The following PPFIA2 variants were observed in gnomAD, a reference collection of about 807,000 sequenced individuals.
PPFIA2 encodes liprin-alpha-2.
In PPFIA2, 46 loss-of-function variants were observed where a neutral mutation model predicts 175.5. The observed-to-expected ratio is 0.26, with a 90% CI of 0.21 to 0.34. The LOEUF is 0.34. PPFIA2 is among the 10% of genes least tolerant of loss of function. The probability of loss-of-function intolerance (pLI) is 1.00; values close to 1 mark genes in which losing one functional copy is unlikely to be tolerated. For synonymous variants in PPFIA2, 568 were observed against 511.4 expected, an observed-to-expected ratio of 1.11 and a Z score of -1.49; for missense variants, 1,179 against 1,506.1, an observed-to-expected ratio of 0.78 and a Z score of 3.60.
At chr12:81,539,405 G>A (rs983423674) in intron 4 of PPFIA2, among the ~76,000 whole-genome samples, 9 of 151,926 alleles carry the variant, frequency 5.9e-5, no homozygotes, top group African/African-American at 2.2e-4. Flanking sequence ...TCCAGTCTTA[G>A]GATGTCTGGA....
At chr12:81,309,652 A>G (rs1481865432) in intron 22 of PPFIA2, among the ~76,000 whole-genome samples, 1 of 152,076 alleles carries the variant, frequency 6.6e-6, no homozygotes, top group African/African-American at 2.4e-5. Flanking sequence ...AAAACATGCT[A>G]GGCTGTTTAG....
intron 22 of PPFIA2, among the ~76,000 whole-genome samples, chr12:81,313,608 G>A (rs2051519051): frequency 6.6e-6 from 1 of 152,020 alleles, no homozygotes; most frequent in African/African-American, 2.4e-5. Context: ...ACACCCCACA[G>A]AAATGAAATT....
intron 4 of PPFIA2, chr12:81,465,265 G>A (rs1044546978): frequency 2.6e-5 from 4 of 152,122 alleles, no homozygotes; most frequent in Admixed American, 6.6e-5. Context: ...GTCCTGCCTT[G>A]AAGAATCGTG....
chr12:81,517,682 A>G (rs1223342260), intron 4 of PPFIA2, among the ~76,000 whole-genome samples: 27 of 152,148 alleles, frequency 1.8e-4, no homozygotes, highest in Admixed American at 1.8e-3. Context: ...CAATTCTTCA[A>G]GGACCATTAA....
chr12:81,635,639 T>C (rs530900021), intron 4 of PPFIA2, among the ~76,000 whole-genome samples: 18 of 152,126 alleles, frequency 1.2e-4, no homozygotes, highest in South Asian at 2.1e-4. Flanking sequence ...CTGGCTTTCA[T>C]TGGGGACTCC....
chr12:81,439,967 G>A lies in PPFIA2; in HGVS notation c.645+5C>T, dbSNP rs751417397. 9 of 1,605,648 alleles carry A rather than the reference G, an allele frequency of 5.6e-6. No homozygotes were observed. Among genetic ancestry groups the A allele is most frequent in the Non-Finnish European group, 7.6e-6 (9 of 1,176,738 alleles). On this transcript the variant is annotated splice_donor_5th_base_variant and intron_variant, in intron 7 of 32. Coordinates refer to ENST00000549396, the MANE Select transcript of PPFIA2 (RefSeq NM_003625.5). ...CTCAAAAGAGGAGAAAGTGTGGCAG[G>A]TTACCTCCTGATTAGCAGCAGCTAG...
intron 4 of PPFIA2, among the ~76,000 whole-genome samples, chr12:81,531,061 A>C (rs1004860823): frequency 6.6e-6 from 1 of 151,956 alleles, no homozygotes; most frequent in Non-Finnish European, 1.5e-5. Context: ...TTAAACTTTT[A>C]TAAATTCAAG....
At chr12:81,676,703 CAAAT>C in intron 4 of PPFIA2, 84 bp downstream of exon 4, 1 of 894,318 alleles carries the variant, frequency 1.1e-6, no homozygotes, top group East Asian at 3.2e-5. Flanking sequence ...CTGCATATGA[CAAAT>C]AATATACAAG....
chr12:81,758,844 C>T (rs1474809584), intron 1 of PPFIA2, among the ~76,000 whole-genome samples: 1 of 152,104 alleles, frequency 6.6e-6, no homozygotes. Context: ...GAAACTTAAC[C>T]ACGCGGCGCC....
chr12:81,327,293 C>T (rs566902283), intron 21 of PPFIA2, among the ~76,000 whole-genome samples: 88 of 151,982 alleles, frequency 5.8e-4, no homozygotes, highest in African/African-American at 1.7e-3. Flanking sequence ...TTAATGAATA[C>T]GGGTACTTAA....
At position 81,548,339 on chromosome 12, in the gene PPFIA2, G is replaced by A. The variant is rs1159820968; in HGVS notation, c.304-90473C>T. Among the ~76,000 whole-genome samples, 3 of 152,076 alleles carry A rather than the reference G, an allele frequency of 2.0e-5. No individual in the cohort carries two copies. The East Asian group carries it at 5.8e-4, about 29-fold the overall frequency. On this transcript the variant is annotated intron_variant, in intron 4 of 32. Coordinates refer to ENST00000549396, the MANE Select transcript of PPFIA2 (RefSeq NM_003625.5). ...TAATTTTTCTTTTTTCCAAAAGAAAGCAAGAGCAAGTTTATTTTCTGTTTT... is the reference window on the plus strand; with the variant it reads ...TAATTTTTCTTTTTTCCAAAAGAAAACAAGAGCAAGTTTATTTTCTGTTTT...
At chr12:81,410,852 T>A (rs1404778995) in intron 7 of PPFIA2, among the ~76,000 whole-genome samples, 1 of 152,050 alleles carries the variant, frequency 6.6e-6, no homozygotes, top group Non-Finnish European at 1.5e-5. Flanking sequence ...ATGAAAGGGG[T>A]ACTCTTTGCC....
At position 81,294,906 on chromosome 12, in the gene PPFIA2, A is replaced by T; in HGVS notation, c.2854T>A (p.Leu952Ile). ...TCCTGGATTGCTAATCGAAGTTTTA[A>T]GCGATGCAGTGGATTGCTGATTCCA... Reference protein sequence around the residue: ...EIGISNPLHRLKLRLAIQEMV... With the variant: ...EIGISNPLHRIKLRLAIQEMV... The change falls in exon 24 of 33, where the codon TTA becomes ATA. Residue 952 changes from leucine (L) to isoleucine (I), a missense_variant. By Grantham distance (5) the Leu-to-Ile change is conservative. Transcript: ENST00000549396. 6.2e-7 allele frequency: 1 copy of T among 1,613,612 alleles called. No homozygotes were observed. Among genetic ancestry groups the T allele is most frequent in the Non-Finnish European group, 8.5e-7 (1 of 1,179,744 alleles).
intron 7 of PPFIA2, among the ~76,000 whole-genome samples, chr12:81,411,942 A>C (rs1274511218): frequency 6.6e-6 from 1 of 152,044 alleles, no homozygotes; most frequent in African/African-American, 2.4e-5. Context: ...TGAGGACAAG[A>C]GGGAACAGCA....
intron 3 of PPFIA2, among the ~76,000 whole-genome samples, chr12:81,718,770 T>C (rs1475881254): frequency 6.6e-6 from 1 of 151,650 alleles, no homozygotes; most frequent in Non-Finnish European, 1.5e-5. Context: ...TGAATCTTAA[T>C]GTCATCCCAT....
chr12:81,324,104 G>A (rs2054241934), intron 22 of PPFIA2, among the ~76,000 whole-genome samples: 1 of 151,866 alleles, frequency 6.6e-6, no homozygotes, highest in Non-Finnish European at 1.5e-5. Context: ...AATACATGTT[G>A]CAAAATAAAA....
At chr12:81,698,746 A>G (rs2076165401) in intron 3 of PPFIA2, among the ~76,000 whole-genome samples, 1 of 145,136 alleles carries the variant, frequency 6.9e-6, no homozygotes, top group Admixed American at 7.3e-5. Flanking sequence ...ACTAATTTCA[A>G]CCTATCTAGT....
intron 4 of PPFIA2, among the ~76,000 whole-genome samples, chr12:81,586,127 T>G (rs2075276635): frequency 6.6e-6 from 1 of 152,014 alleles, no homozygotes; most frequent in African/African-American, 2.4e-5. Context: ...AGTTCAGAAC[T>G]GTTGCTTTTG....
chr12:81,648,932 A>T (rs973415464), intron 4 of PPFIA2, among the ~76,000 whole-genome samples: 1 of 152,042 alleles, frequency 6.6e-6, no homozygotes, highest in Non-Finnish European at 1.5e-5. Flanking sequence ...TTGGCTAGCC[A>T]TATGAGAAAA....
Sources: allele counts gnomAD v4.1 joint callset (sites outside exome capture counted in the v4.1 genomes callset), GRCh38; gene constraint gnomAD v4.1.1; transcripts MANE v1.5; gene names NCBI Gene and HGNC (gene_info 2026-07-23, HGNC 2026-07-21).